DAPK2: variants seen among roughly 807,000 people sequenced by gnomAD.
DAPK2 encodes death associated protein kinase 2, also known as death-associated protein kinase 2.
In DAPK2, 35 loss-of-function variants were observed where a neutral mutation model predicts 44.1. That is an observed-to-expected ratio of 0.79 (90% confidence interval 0.61 to 1.05). The LOEUF is 1.05. Ranked by LOEUF, DAPK2 falls within the 50% of genes least tolerant of loss-of-function variation. The pLI is 0.00. For synonymous variants in DAPK2, 174 were observed against 182.6 expected, an observed-to-expected ratio of 0.95 and a Z score of 0.38; for missense variants, 453 against 483.2, an observed-to-expected ratio of 0.94 and a Z score of 0.59.
chr15:63,979,927 A>G (rs2078455951), intron 2 of DAPK2, among the ~76,000 whole-genome samples: 1 of 151,944 alleles, frequency 6.6e-6, no homozygotes, highest in Non-Finnish European at 1.5e-5. Flanking sequence ...AAAACAAACA[A>G]ACAAACAAAA....
rs1283426115 is a variant in DAPK2 at position 63,966,896 on chromosome 15, G to A, written c.453+4527C>T. On this transcript the variant is annotated intron_variant, in intron 3 of 10. Transcript: ENST00000261891. The surrounding 1 kb of genome is among the most constrained non-coding windows in gnomAD (Gnocchi z 5.5). The stretch of plus-strand genomic sequence containing the variant: ...TGATATGAAATTAAAACCAGGTACT[G>A]TGGGCCGGGCGCAGTGGCTCACACC... 1.3e-5 allele frequency among the ~76,000 whole-genome samples: 2 copies of A among 152,116 alleles called. No homozygotes were observed. The highest frequency in any genetic ancestry group is 2.4e-5 in the African/African-American group (1 of 41,432).
In DAPK2 at chr15:63,924,476, G is replaced by T. The variant is rs191724424; in HGVS notation, c.858+340C>A. On this transcript the variant is annotated intron_variant, in intron 8 of 10. Transcript: ENST00000261891. ...TGTCATCTATCTTTCTACACCTGGGGAGTCCTGATTTCCACTTGGAGAAGT... is the reference window on the plus strand; with the variant it reads ...TGTCATCTATCTTTCTACACCTGGGTAGTCCTGATTTCCACTTGGAGAAGT... The T allele has an allele frequency of 3.4e-4, 76 of 221,834 alleles. No individual in the cohort carries two copies. In the East Asian group the frequency reaches 6.8e-3, roughly 20 times the overall value. 13.7% of individuals were successfully genotyped at this position (221,834 alleles called of 1,614,324 possible).
intron 1 of DAPK2, among the ~76,000 whole-genome samples, chr15:63,987,128 G>C (rs2078688233): frequency 6.6e-6 from 1 of 152,278 alleles, no homozygotes; most frequent in South Asian, 2.1e-4. Flanking sequence ...AGGATAACAG[G>C]AGTGAAAATT....
chr15:63,941,473 C>T (rs2077305366), intron 3 of DAPK2, among the ~76,000 whole-genome samples: 1 of 152,202 alleles, frequency 6.6e-6, no homozygotes, highest in Non-Finnish European at 1.5e-5. Flanking sequence ...CAGCAGCTGG[C>T]ATGCTGAGGG....
At chr15:63,943,595 G>A (rs1257836896) in intron 3 of DAPK2, among the ~76,000 whole-genome samples, 3 of 151,598 alleles carry the variant, frequency 2.0e-5, no homozygotes, top group Admixed American at 6.6e-5. Context: ...CCAGGAGGCC[G>A]GGCGCAGTGG....
chr15:63,967,586 G>A (rs1332834459), intron 3 of DAPK2, among the ~76,000 whole-genome samples: 2 of 152,102 alleles, frequency 1.3e-5, no homozygotes, highest in Non-Finnish European at 2.9e-5. Context: ...AGCTACTAAG[G>A]AGGCTGAGGC....
At chr15:64,006,113 T>C (rs879283655) in intron 1 of DAPK2, among the ~76,000 whole-genome samples, 8 of 149,252 alleles carry the variant, frequency 5.4e-5, no homozygotes, top group Non-Finnish European at 1.0e-4. Context: ...TGGTTCTCCC[T>C]ATGGCCTCTC....
intron 1 of DAPK2, among the ~76,000 whole-genome samples, chr15:64,014,071 A>G (rs1391712558): frequency 6.6e-6 from 1 of 152,210 alleles, no homozygotes; most frequent in Non-Finnish European, 1.5e-5. Context: ...TTTTCCTCTA[A>G]CTAGGCTCCC....
intron 3 of DAPK2, among the ~76,000 whole-genome samples, chr15:63,959,209 C>G (rs1450034547): frequency 3.3e-5 from 5 of 152,094 alleles, no homozygotes; most frequent in African/African-American, 7.2e-5. Flanking sequence ...TATTTTGTAT[C>G]CTGAGACTTT....
At chr15:63,931,149 A>G (rs1211778772) in intron 4 of DAPK2, among the ~76,000 whole-genome samples, 1 of 152,208 alleles carries the variant, frequency 6.6e-6, no homozygotes, top group Non-Finnish European at 1.5e-5. Flanking sequence ...AGAAGGCACC[A>G]TCTATGAAAC....
intron 1 of DAPK2, chr15:63,991,181 G>C: frequency 2.2e-6 from 1 of 455,366 alleles, no homozygotes; most frequent in Non-Finnish European, 4.4e-6. Context: ...CAGGAAACAG[G>C]TCAGGGTTTT....
chr15:64,029,278 C>T (rs1048743148), intron 1 of DAPK2, among the ~76,000 whole-genome samples: 8 of 152,170 alleles, frequency 5.3e-5, no homozygotes, highest in Non-Finnish European at 7.3e-5. Flanking sequence ...TGGCTTTGTG[C>T]TTTGTTTTCC....
chr15:63,970,395 C>T (rs961563162), intron 3 of DAPK2, among the ~76,000 whole-genome samples: 1 of 152,172 alleles, frequency 6.6e-6, no homozygotes, highest in African/African-American at 2.4e-5. Flanking sequence ...TATTTCCTAC[C>T]AATCCTTCAG....
At chr15:63,945,608 A>T (rs756860933) in intron 3 of DAPK2, among the ~76,000 whole-genome samples, 2 of 152,132 alleles carry the variant, frequency 1.3e-5, no homozygotes, top group Non-Finnish European at 2.9e-5. Flanking sequence ...CCCTCCCCAA[A>T]TAGAGCAGGG....
At chr15:63,937,256 A>G (rs1476286856) in intron 4 of DAPK2, among the ~76,000 whole-genome samples, 1 of 152,228 alleles carries the variant, frequency 6.6e-6, no homozygotes, top group Non-Finnish European at 1.5e-5. Context: ...CTGGCTCACA[A>G]AAGCCAATGA....
intron 1 of DAPK2, among the ~76,000 whole-genome samples, chr15:63,989,928 G>C (rs551084335): frequency 6.6e-6 from 1 of 152,188 alleles, no homozygotes; most frequent in Admixed American, 6.5e-5. Flanking sequence ...CTGGTCTCCA[G>C]TGATCTGCCC....
intron 4 of DAPK2, chr15:63,932,514 A>G (rs552778124): frequency 6.6e-6 from 1 of 150,384 alleles, no homozygotes; most frequent in Non-Finnish European, 1.5e-5. Flanking sequence ...AAGTAGAGGT[A>G]AGAGTATAGA....
chr15:64,009,319 G>C (rs1037391524), intron 1 of DAPK2, among the ~76,000 whole-genome samples: 2 of 152,004 alleles, frequency 1.3e-5, no homozygotes, highest in African/African-American at 4.8e-5. Flanking sequence ...CAGTGTTGCT[G>C]TCTTCAGCCC....
intron 8 of DAPK2, among the ~76,000 whole-genome samples, chr15:63,924,316 C>T (rs1419543906): frequency 6.6e-6 from 1 of 152,184 alleles, no homozygotes; most frequent in Admixed American, 6.5e-5. Flanking sequence ...TGTCTCTCTT[C>T]CCCACCAGGC....
Sources: allele counts gnomAD v4.1 joint callset (sites outside exome capture counted in the v4.1 genomes callset), GRCh38; gene constraint gnomAD v4.1.1; non-coding constraint Gnocchi (gnomAD v3.1); transcripts MANE v1.5; gene names NCBI Gene and HGNC (gene_info 2026-07-23, HGNC 2026-07-21).